The following ASIC2 variants were observed in gnomAD, a reference collection of about 807,000 sequenced individuals.
ASIC2 encodes acid-sensing ion channel 2.
ASIC2 carries 25 observed loss-of-function variants against 57.3 expected under a neutral mutation model. The observed-to-expected ratio is 0.44, with a 90% confidence interval of 0.32 to 0.61. The LOEUF is 0.61. Ranked by LOEUF, ASIC2 falls within the 20% of genes least tolerant of loss-of-function variation. ASIC2 has a pLI of 0.06. For missense variants in ASIC2, 641 were observed against 738.1 expected (o/e 0.87, Z 1.52); for synonymous variants, 319 against 307.5 (o/e 1.04, Z -0.39).
chr17:33,768,241 C>T (rs1348226220), intron 1 of ASIC2, among the ~76,000 whole-genome samples: 2 of 152,040 alleles, frequency 1.3e-5, no homozygotes, highest in East Asian at 3.9e-4. Flanking sequence ...CTCCTGACCT[C>T]GTGATTCGCC....
chr17:33,419,055 A>G (rs1421983057), intron 1 of ASIC2, among the ~76,000 whole-genome samples: 1 of 152,202 alleles, frequency 6.6e-6, no homozygotes, highest in Non-Finnish European at 1.5e-5. Context: ...TACCTATGTA[A>G]GAAACCTGCA....
chr17:33,718,216 T>C (rs555059097), intron 1 of ASIC2, among the ~76,000 whole-genome samples: 9 of 152,316 alleles, frequency 5.9e-5, no homozygotes, highest in Admixed American at 3.9e-4. Context: ...GCTATGTAAA[T>C]GGTTGTTAGA....
chr17:33,483,834 C>G (rs1196003452), intron 1 of ASIC2, among the ~76,000 whole-genome samples: 1 of 152,180 alleles, frequency 6.6e-6, no homozygotes, highest in African/African-American at 2.4e-5. Context: ...TATTACTTTA[C>G]ATGACAAAAG....
chr17:33,772,803 G>A (rs1215781528), intron 1 of ASIC2, among the ~76,000 whole-genome samples: 2 of 152,186 alleles, frequency 1.3e-5, no homozygotes, highest in African/African-American at 2.4e-5. Flanking sequence ...CAGTGAGGCG[G>A]AGACTCAAAT....
intron 1 of ASIC2, among the ~76,000 whole-genome samples, chr17:33,964,992 GGTGA>G (rs1905034743): frequency 6.6e-6 from 1 of 152,172 alleles, no homozygotes; most frequent in Non-Finnish European, 1.5e-5. Flanking sequence ...CTGGTGGCTG[GGTGA>G]GTGTTAGGGG....
rs540535483 is a variant in ASIC2, at chr17:33,929,537, C to T, written c.555+226441G>A. ...TATACAGGCTTCCCTGCTGAGATCC[C>T]CACTTACGCAAACGCAACAACAAAT... On this transcript the variant is annotated intron_variant, in intron 1 of 9. Transcript: ENST00000359872. 4.6e-5 allele frequency among the ~76,000 whole-genome samples: 7 copies of T among 152,278 alleles called. No individual in the cohort carries two copies. The South Asian group carries it at 1.5e-3, about 32-fold the overall frequency.
intron 1 of ASIC2, among the ~76,000 whole-genome samples, chr17:33,850,015 G>C (rs78092660): frequency 2.6e-5 from 4 of 152,056 alleles, no homozygotes; most frequent in Non-Finnish European, 1.5e-5. Flanking sequence ...CTATGTTAAA[G>C]GTATGTTGTT....
rs187851741 is a variant in ASIC2, at chr17:33,232,426, T to A, written c.708+58982A>T. Among the ~76,000 whole-genome samples the A allele has an allele frequency of 6.0e-4, 88 of 146,840 alleles. 1 individual carries two copies. The East Asian group carries it at 0.017, about 28-fold the overall frequency. On this transcript the variant is annotated intron_variant, in intron 1 of 9. Transcript: ENST00000225823. Reference sequence around the variant, plus strand: ...TATGGAATGGTATGGTATGGTATGGTATGGTATGGTATGGTATGGAATGGT... The same window carrying A: ...TATGGAATGGTATGGTATGGTATGGAATGGTATGGTATGGTATGGAATGGT...
chr17:33,913,632 A>G (rs1014475941), intron 1 of ASIC2, among the ~76,000 whole-genome samples: 15 of 152,162 alleles, frequency 9.9e-5, no homozygotes, highest in Non-Finnish European at 1.8e-4. Flanking sequence ...TTCCTTAATT[A>G]TTCGATATAA....
intron 3 of ASIC2, among the ~76,000 whole-genome samples, chr17:33,032,440 G>GTTTTT (rs60183644): frequency 0.015 from 1,371 of 94,036 alleles, 304 homozygotes; most frequent in Non-Finnish European, 0.02. Context: ...ATAATACACT[G>GTTTTT]TTTTTTTTTT....
At chr17:33,348,565 C>G (rs1444650432) in intron 1 of ASIC2, among the ~76,000 whole-genome samples, 2 of 152,060 alleles carry the variant, frequency 1.3e-5, no homozygotes, top group Non-Finnish European at 2.9e-5. Context: ...AGATCATGAG[C>G]TTCAGAGGGC....
intron 1 of ASIC2, among the ~76,000 whole-genome samples, chr17:33,845,449 G>A (rs141597033): frequency 1.9e-4 from 29 of 152,268 alleles, no homozygotes; most frequent in African/African-American, 3.8e-4. Context: ...TGGTAAGAGA[G>A]CAGCCTTGAA....
intron 1 of ASIC2, among the ~76,000 whole-genome samples, chr17:33,667,501 C>G (rs754656709): frequency 6.6e-6 from 1 of 152,204 alleles, no homozygotes; most frequent in Non-Finnish European, 1.5e-5. Context: ...CTTACTTACA[C>G]AGTCCATGAT....
intron 1 of ASIC2, among the ~76,000 whole-genome samples, chr17:33,390,770 A>G (rs958679563): frequency 6.6e-6 from 1 of 152,230 alleles, no homozygotes; most frequent in Non-Finnish European, 1.5e-5. Flanking sequence ...GACATCATGC[A>G]AGACGAGAGC....
intron 1 of ASIC2, among the ~76,000 whole-genome samples, chr17:33,988,866 C>T (rs971395393): frequency 6.6e-6 from 1 of 152,014 alleles, no homozygotes; most frequent in Non-Finnish European, 1.5e-5. Flanking sequence ...AGCAACCTTG[C>T]CCAGAGCAGG....
chr17:34,045,434 A>G (rs1908299955), intron 1 of ASIC2, among the ~76,000 whole-genome samples: 1 of 152,154 alleles, frequency 6.6e-6, no homozygotes, highest in African/African-American at 2.4e-5. Flanking sequence ...TCTCTCTTCT[A>G]CCTGCTGAGA....
intron 1 of ASIC2, among the ~76,000 whole-genome samples, chr17:33,546,307 T>C (rs1486365164): frequency 6.6e-6 from 1 of 152,130 alleles, no homozygotes; most frequent in African/African-American, 2.4e-5. Context: ...TGCTCTTTAA[T>C]TGGATTCCTT....
At chr17:33,130,779 G>A (rs774899142) in intron 1 of ASIC2, among the ~76,000 whole-genome samples, 43 of 152,332 alleles carry the variant, frequency 2.8e-4, no homozygotes, top group Non-Finnish European at 5.6e-4. Context: ...CAGATCACAG[G>A]AGGTGCTGAA....
At chr17:34,032,134 G>A (rs563609914) in intron 1 of ASIC2, among the ~76,000 whole-genome samples, 8 of 152,306 alleles carry the variant, frequency 5.3e-5, no homozygotes, top group African/African-American at 1.9e-4. Context: ...TACCCACAAA[G>A]GGAAACCCAT....
Sources: allele counts gnomAD v4.1 joint callset (sites outside exome capture counted in the v4.1 genomes callset), GRCh38; gene constraint gnomAD v4.1.1; transcripts MANE v1.5; gene names NCBI Gene and HGNC (gene_info 2026-07-23, HGNC 2026-07-21).